Variants in SORBS2 observed in about 807,000 individuals in gnomAD.
The protein encoded by SORBS2 is sorbin and SH3 domain-containing protein 2.
In SORBS2, 46 loss-of-function variants were observed where a neutral mutation model predicts 97.7. The observed-to-expected ratio is 0.47, with a 90% CI of 0.37 to 0.60. SORBS2 has a LOEUF of 0.60. SORBS2 is among the 20% of genes least tolerant of loss of function. The pLI is 0.00. For missense variants in SORBS2, 1,316 were observed against 1,282.3 expected, an observed-to-expected ratio of 1.03 and a Z score of -0.40; for synonymous variants, 476 against 473.4, an observed-to-expected ratio of 1.01 and a Z score of -0.07.
chr4:185,764,081 T>C (rs2098920300), intron 2 of SORBS2, among the ~76,000 whole-genome samples: 1 of 152,206 alleles, frequency 6.6e-6, no homozygotes, highest in African/African-American at 2.4e-5. Context: ...AGCTACAGAA[T>C]GAAGTCTTTA....
chr4:185,785,994 C>T (rs911169172), intron 1 of SORBS2, among the ~76,000 whole-genome samples: 2 of 152,076 alleles, frequency 1.3e-5, no homozygotes, highest in Non-Finnish European at 2.9e-5. Context: ...GTTTACATTA[C>T]ACGGAAAAAA....
intron 13 of SORBS2, among the ~76,000 whole-genome samples, chr4:185,590,805 G>C (rs2095909064): frequency 6.6e-6 from 1 of 152,164 alleles, no homozygotes; most frequent in Admixed American, 6.5e-5. Flanking sequence ...AGAAGAATTT[G>C]ATAGGCAGTT....
At chr4:185,921,154 G>T (rs1329545611) in intron 1 of SORBS2, among the ~76,000 whole-genome samples, 1 of 152,166 alleles carries the variant, frequency 6.6e-6, no homozygotes, top group Admixed American at 6.5e-5. Context: ...TTATGTGTAG[G>T]TTTCAATTTT....
intron 1 of SORBS2, among the ~76,000 whole-genome samples, chr4:185,873,758 G>T (rs192390560): frequency 1.3e-5 from 2 of 152,146 alleles, no homozygotes; most frequent in African/African-American, 4.8e-5. Context: ...CTAGAATAAT[G>T]TGTAAGAAAT....
intron 2 of SORBS2, among the ~76,000 whole-genome samples, chr4:185,680,508 G>A (rs1383562088): frequency 1.3e-5 from 2 of 152,144 alleles, no homozygotes; most frequent in African/African-American, 4.8e-5. Flanking sequence ...TTTGGGAAAG[G>A]ACAACGAAAA....
chr4:185,928,942 G>T (rs1423090980), intron 1 of SORBS2, among the ~76,000 whole-genome samples: 2 of 152,144 alleles, frequency 1.3e-5, no homozygotes, highest in Non-Finnish European at 2.9e-5. Flanking sequence ...GAAATAGAGG[G>T]CGTATGCCTT....
At chr4:185,942,115 A>G (rs2099272314) in intron 1 of SORBS2, among the ~76,000 whole-genome samples, 1 of 151,686 alleles carries the variant, frequency 6.6e-6, no homozygotes, top group African/African-American at 2.4e-5. Flanking sequence ...GATTCCATTT[A>G]AAACAAAAAA....
In SORBS2 at chr4:185,606,639, G is replaced by T. The variant is rs1443715330; in HGVS notation, c.2796+5141C>A. On this transcript the variant is annotated intron_variant, in intron 12 of 14. Transcript: ENST00000418609. The surrounding 1 kb of genome is among the most constrained non-coding windows in gnomAD (Gnocchi z 4.3). ...CCTCCTTGGGGGTCCTAGGATCTGTGGGGGTGGCTATGGGGTGTTTTAGGC... is the reference window on the plus strand; with the variant it reads ...CCTCCTTGGGGGTCCTAGGATCTGTTGGGGTGGCTATGGGGTGTTTTAGGC... 3.0e-6 allele frequency: 3 copies of T among 985,068 alleles called. No individual in the cohort carries two copies. The highest frequency in any genetic ancestry group is 6.2e-5 in the Admixed American group (1 of 16,252). The allele number at this position is 985,068 out of a possible 1,614,324, so 61.0% of individuals were successfully genotyped here.
At chr4:185,641,743 T>C (rs1394761198) in intron 4 of SORBS2, among the ~76,000 whole-genome samples, 1 of 151,116 alleles carries the variant, frequency 6.6e-6, no homozygotes. Context: ...GATTTTTTTG[T>C]TGTTGTTTCT....
chr4:185,622,344 AC>A (rs1321013498), intron 7 of SORBS2, among the ~76,000 whole-genome samples: 1 of 152,258 alleles, frequency 6.6e-6, no homozygotes, highest in Non-Finnish European at 1.5e-5. Flanking sequence ...GCTTAAAGAT[AC>A]ATTCACAAAA....
upstream of SORBS2, chr4:185,657,620 G>A (rs2097429503): frequency 4.4e-6 from 7 of 1,584,606 alleles, no homozygotes; most frequent in Middle Eastern, 3.3e-4. Context: ...TTGGTAACAT[G>A]GAACGTATTC....
At chr4:185,937,895 T>C (rs2099269721) in intron 1 of SORBS2, among the ~76,000 whole-genome samples, 1 of 152,148 alleles carries the variant, frequency 6.6e-6, no homozygotes, top group Non-Finnish European at 1.5e-5. Flanking sequence ...GAATATCTTC[T>C]CCTCTCTGCC....
chr4:185,801,592 C>A lies in SORBS2; in HGVS notation c.-337-26226G>T, dbSNP rs117319863. On this transcript the variant is annotated intron_variant, in intron 1 of 20. Coordinates refer to the SORBS2 transcript ENST00000284776. ...TAGTGATGTTGAGCACGTTTCCATA[C>A]GTCTGTTTGCCATTTGTATGTCTTC... Among the ~76,000 whole-genome samples the A allele has an allele frequency of 8.5e-5, 13 of 152,224 alleles. 1 individual carries two copies. In the East Asian group the frequency reaches 2.5e-3, roughly 29 times the overall value.
intron 1 of SORBS2, among the ~76,000 whole-genome samples, chr4:185,946,564 T>G (rs2099274652): frequency 6.6e-6 from 1 of 152,210 alleles, no homozygotes; most frequent in Non-Finnish European, 1.5e-5. Flanking sequence ...TATCTTTTCT[T>G]TGTAGTGTTC....
In SORBS2 at chr4:185,684,911, G is replaced by A. The variant is rs541800334; in HGVS notation, c.-197-6089C>T. The A allele has an allele frequency of 3.9e-5, 47 of 1,218,478 alleles. No homozygotes were observed. The East Asian group carries it at 4.1e-4, about 11-fold the overall frequency. 75.5% of individuals were successfully genotyped at this position (1,218,478 alleles called of 1,614,324 possible). On this transcript the variant is annotated intron_variant, in intron 2 of 20. Transcript: ENST00000284776. This position sits in a 1 kb window ranked among gnomAD's most constrained non-coding sequence, Gnocchi z 4.2. Reference sequence around the variant, plus strand: ...GGGAAAAGCACGTGCAATATCATGCGTTTTAAGAGAAATGTGCCAGACATC... The same window carrying A: ...GGGAAAAGCACGTGCAATATCATGCATTTTAAGAGAAATGTGCCAGACATC...
chr4:185,923,023 T>C (rs1159373212), intron 1 of SORBS2, among the ~76,000 whole-genome samples: 1 of 152,222 alleles, frequency 6.6e-6, no homozygotes, highest in Admixed American at 6.5e-5. Flanking sequence ...TTAATCTCTC[T>C]GAGCTTCAGT....
At chr4:185,621,190 A>T (rs1313056105) in intron 7 of SORBS2, among the ~76,000 whole-genome samples, 1 of 152,206 alleles carries the variant, frequency 6.6e-6, no homozygotes. Context: ...TAAAGTGCTG[A>T]TTCATAATAA....
At chr4:185,842,517 C>T (rs576417972) in intron 1 of SORBS2, among the ~76,000 whole-genome samples, 8 of 152,182 alleles carry the variant, frequency 5.3e-5, no homozygotes, top group East Asian at 1.9e-4. Flanking sequence ...AAAGTTATAT[C>T]GTACATTAAA....
At chr4:185,717,266 C>T (rs2098473428) in intron 2 of SORBS2, among the ~76,000 whole-genome samples, 1 of 152,198 alleles carries the variant, frequency 6.6e-6, no homozygotes, top group Non-Finnish European at 1.5e-5. Flanking sequence ...GATTATAGGG[C>T]ATAACCCTGC....
Sources: allele counts gnomAD v4.1 joint callset (sites outside exome capture counted in the v4.1 genomes callset), GRCh38; gene constraint gnomAD v4.1.1; non-coding constraint Gnocchi (gnomAD v3.1); transcripts MANE v1.5; gene names NCBI Gene and HGNC (gene_info 2026-07-23, HGNC 2026-07-21).